SFI1: variants seen among roughly 807,000 people sequenced by gnomAD.
The protein encoded by SFI1 is SFI1 centrin binding protein.
SFI1 carries 195 observed loss-of-function variants against 207.5 expected under a neutral mutation model. The observed-to-expected ratio is 0.94, with a 90% confidence interval of 0.84 to 1.06. The LOEUF (loss-of-function observed/expected upper bound fraction) is 1.06, where lower values mean the gene tolerates loss of function less well. SFI1 is among the 50% of genes least tolerant of loss of function. The pLI is 0.00. For synonymous variants in SFI1, 630 were observed against 598.9 expected (o/e 1.05, Z -0.76); for missense variants, 1,634 against 1,588.0 (o/e 1.03, Z -0.49).
At chr22:31,554,667 C>T (rs1043835221) in intron 6 of SFI1, among the ~76,000 whole-genome samples, 6 of 149,916 alleles carry the variant, frequency 4.0e-5, no homozygotes, top group Admixed American at 6.7e-5. Flanking sequence ...TGCAGAGTGG[C>T]GTGATCTCGG....
intron 2 of SFI1, among the ~76,000 whole-genome samples, chr22:31,511,674 G>A (rs1188886909): frequency 1.3e-5 from 2 of 152,016 alleles, no homozygotes; most frequent in African/African-American, 4.8e-5. Flanking sequence ...GTTTGTTTGA[G>A]ACAGAGTCTT....
chr22:31,613,181 G>A lies in SFI1; in HGVS notation c.2530G>A (p.Ala844Thr), dbSNP rs995361878. 7 of 1,613,660 alleles carry A rather than the reference G, an allele frequency of 4.3e-6. No individual in the cohort carries two copies. Among genetic ancestry groups the A allele is most frequent in the Non-Finnish European group, 5.9e-6 (7 of 1,180,028 alleles). The change falls in exon 25 of 33, where the codon GCC (alanine) becomes ACC (threonine). Residue 844 changes from alanine to threonine, a missense_variant. Ala to Thr is a moderately conservative substitution (Grantham distance 58, BLOSUM62 0). Coordinates refer to ENST00000400288, the MANE Select transcript of SFI1 (RefSeq NM_001007467.3). ...RRQEQRATVR[A>T]LWFWAFSLQA... ...GCAGGAGCAGCGGGCGACAGTGCGG[G>A]CCCTGTGGTTCTGGGCCTTCTCGCT...
intron 9 of SFI1, among the ~76,000 whole-genome samples, chr22:31,574,432 G>A (rs1434787658): frequency 1.3e-5 from 2 of 152,160 alleles, no homozygotes; most frequent in Non-Finnish European, 2.9e-5. Flanking sequence ...ACCATTATCT[G>A]ACTAGCATTA....
At chr22:31,503,054 C>CA (rs58386828) in intron 1 of SFI1, among the ~76,000 whole-genome samples, 76,369 of 103,108 alleles carry the variant, frequency 0.74, 28,447 homozygotes, top group Non-Finnish European at 0.77. Flanking sequence ...GACTCTGTCT[C>CA]AAAAAAAAAA....
intron 8 of SFI1, 76 bp from the exon 9 acceptor site, chr22:31,572,982 T>A: frequency 6.8e-7 from 1 of 1,479,940 alleles, no homozygotes; most frequent in Non-Finnish European, 9.2e-7. Flanking sequence ...TGTGCCTTTC[T>A]CTTTTCCCTC....
intron 2 of SFI1, among the ~76,000 whole-genome samples, chr22:31,519,256 TTTTTC>T (rs199878595): frequency 0.028 from 4,249 of 151,640 alleles, 99 homozygotes; most frequent in South Asian, 0.079. Context: ...CATCTATCAT[TTTTTC>T]TTTTATTTTC....
chr22:31,612,392 AAAAAAAAT>A (rs1465729537), intron 24 of SFI1: 5 of 107,418 alleles, frequency 4.7e-5, no homozygotes, highest in South Asian at 7.3e-4. Flanking sequence ...AAAAAAAAAA[AAAAAAAAT>A]ATATATATAT....
intron 29 of SFI1, chr22:31,616,488 G>A: frequency 2.4e-6 from 1 of 423,652 alleles, no homozygotes. Context: ...AGGCAGTGGA[G>A]GCGTGAGGCG....
intron 4 of SFI1, among the ~76,000 whole-genome samples, chr22:31,544,293 TC>T (rs1323778104): frequency 6.6e-6 from 1 of 152,156 alleles, no homozygotes; most frequent in African/African-American, 2.4e-5. Flanking sequence ...TTGTTATGAC[TC>T]CCCTCTTCAG....
At chr22:31,578,916 T>G (rs546922764) in intron 11 of SFI1, among the ~76,000 whole-genome samples, 2 of 152,296 alleles carry the variant, frequency 1.3e-5, no homozygotes, top group South Asian at 4.1e-4. Flanking sequence ...ATATCTTCAC[T>G]TCTGTCTCAG....
intron 8 of SFI1, 78 bp downstream of exon 8, chr22:31,561,470 C>A: frequency 1.6e-6 from 2 of 1,266,664 alleles, no homozygotes; most frequent in South Asian, 1.4e-5. Context: ...CAGTGCTGGG[C>A]CTTCCCTGCA....
chr22:31,588,949 C>T (rs2065411216), intron 14 of SFI1, among the ~76,000 whole-genome samples: 1 of 152,068 alleles, frequency 6.6e-6, no homozygotes, highest in Non-Finnish European at 1.5e-5. Context: ...TGTCTTCCTA[C>T]TGATGTATCA....
intron 2 of SFI1, among the ~76,000 whole-genome samples, chr22:31,524,421 C>A (rs2057655162): frequency 6.6e-6 from 1 of 151,712 alleles, no homozygotes; most frequent in Non-Finnish European, 1.5e-5. Flanking sequence ...AGAATTTGCT[C>A]CCCTCACTTT....
chr22:31,536,467 G>A (rs762555856), intron 4 of SFI1, among the ~76,000 whole-genome samples: 13 of 152,088 alleles, frequency 8.5e-5, no homozygotes, highest in Non-Finnish European at 1.6e-4. Flanking sequence ...GCTGGAGTGC[G>A]GTGGCACGAT....
chr22:31,615,280 G>T lies in SFI1; in HGVS notation c.3300+1G>T, dbSNP rs749964015. On this transcript the variant is annotated splice_donor_variant, in intron 29 of 32. Transcript: ENST00000400288. LOFTEE classifies it high-confidence loss of function. ...CTGCGGGGCGGCTGCACCAGCCAGGGTACGTCCTCCACCACCAGGCCTGGG... is the reference window on the plus strand; with the variant it reads ...CTGCGGGGCGGCTGCACCAGCCAGGTTACGTCCTCCACCACCAGGCCTGGG... 5.4e-6 allele frequency: 8 copies of T among 1,486,092 alleles called. No individual in the cohort carries two copies. Among genetic ancestry groups the T allele is most frequent in the Admixed American group, 2.3e-5 (1 of 42,898 alleles). The allele number at this position is 1,486,092 out of a possible 1,614,324, so 92.1% of individuals were successfully genotyped here.
rs199525016 is a variant in SFI1, at chr22:31,589,536, C to G, written c.1503C>G (p.His501Gln). ...GGAACAGACTCTGGCGATGGCGCCACCAGGAAAATGTCCTCAGTGCAAGAG... is the reference window on the plus strand; with the variant it reads ...GGAACAGACTCTGGCGATGGCGCCAGCAGGAAAATGTCCTCAGTGCAAGAG... The part of the protein sequence containing the change: ...HTWNRLWRWR[H>Q]QENVLSARAT... Residue 501 changes from histidine (H) to glutamine (Q), a missense_variant, in exon 15 of 33, where the codon CAC becomes CAG. His to Gln is a conservative substitution (Grantham distance 24). Transcript: ENST00000400288. 6.2e-7 allele frequency: 1 copy of G among 1,614,010 alleles called. No individual in the cohort carries two copies.
chr22:31,519,594 G>A (rs1428574852), intron 2 of SFI1, among the ~76,000 whole-genome samples: 4 of 151,958 alleles, frequency 2.6e-5, no homozygotes, highest in Non-Finnish European at 5.9e-5. Context: ...GTGCCACCAC[G>A]CCCAGCTAAT....
chr22:31,554,711 A>G (rs1462844799), intron 6 of SFI1, among the ~76,000 whole-genome samples: 2 of 150,846 alleles, frequency 1.3e-5, no homozygotes, highest in African/African-American at 4.9e-5. Flanking sequence ...GGTTCAAGCA[A>G]TTATCTTGCC....
intron 1 of SFI1, among the ~76,000 whole-genome samples, chr22:31,496,844 G>A (rs1476689802): frequency 1.3e-5 from 2 of 152,220 alleles, no homozygotes; most frequent in East Asian, 3.9e-4. Context: ...GCGCAGGACG[G>A]GGCCCGGAGC....
Sources: allele counts gnomAD v4.1 joint callset (sites outside exome capture counted in the v4.1 genomes callset), GRCh38; gene constraint gnomAD v4.1.1; transcripts MANE v1.5; gene names NCBI Gene and HGNC (gene_info 2026-07-23, HGNC 2026-07-21).